The following CYP4V2 variants were observed in gnomAD, a reference collection of about 807,000 sequenced individuals.
CYP4V2 encodes cytochrome P450 family 4 subfamily V member 2, also known as cytochrome P450 4V2.
A neutral mutation model predicts 60.8 loss-of-function variants in CYP4V2; 55 were observed. The observed-to-expected ratio is 0.90, with a 90% confidence interval of 0.73 to 1.13. The LOEUF (loss-of-function observed/expected upper bound fraction) is 1.13. Among genes scored for constraint, CYP4V2 ranks in the 50% most tolerant of loss-of-function variants. The probability of loss-of-function intolerance (pLI) is 0.00; values close to 1 mark genes in which losing one functional copy is unlikely to be tolerated. For synonymous variants in CYP4V2, 239 were observed against 236.8 expected (o/e 1.01, Z -0.08); for missense variants, 675 against 662.9 (o/e 1.02, Z -0.20).
intron 3 of CYP4V2, 137 bp downstream of exon 3, chr4:186,196,225 AG>A: frequency 1.2e-6 from 1 of 819,190 alleles, no homozygotes; most frequent in Non-Finnish European, 2.0e-6. Context: ...AAGGCTGGAA[AG>A]GAAGGTCCAG....
chr4:186,194,842 T>G lies in CYP4V2; in HGVS notation c.327+230T>G, dbSNP rs7661323. On this transcript the variant is annotated intron_variant, in intron 2 of 10. Transcript: ENST00000378802. ...GCACAACTGCTATCAGGTCCCTTTA[T>G]ATTTATTCTTTTTTTGAAAGGATAT... Among the ~76,000 whole-genome samples, 57,558 of 152,074 alleles carry G rather than the reference T, an allele frequency of 0.38. 11,392 individuals carry two copies. Among genetic ancestry groups the G allele is most frequent in the Non-Finnish European group, 0.44 (30,076 of 67,982 alleles).
intron 3 of CYP4V2, chr4:186,196,510 G>A: frequency 3.3e-6 from 1 of 302,742 alleles, no homozygotes; most frequent in Non-Finnish European, 6.3e-6. Flanking sequence ...GGCCCCACAA[G>A]AGCAAGGCAG....
Position 186,209,388 on chromosome 4 carries a change from A to AG in CYP4V2, c.1405+116_1405+117insG, listed in dbSNP as rs1032067292. ...CCCATATGCAACAGCCTTAAAAAAA[A>AG]AATAGGTGGTTTCTTTTTTCCCTCA... is the stretch of plus-strand genomic sequence containing the variant. On this transcript the variant is annotated intron_variant, in intron 10 of 10. Transcript: ENST00000378802. 37 of 1,310,436 alleles carry AG rather than the reference A, an allele frequency of 2.8e-5. No individual in the cohort carries two copies. In the African/African-American group the frequency reaches 4.9e-4, roughly 17 times the overall value. The allele number at this position is 1,310,436 out of a possible 1,614,324, so 81.2% of individuals were successfully genotyped here.
In CYP4V2 at chr4:186,209,044, A is replaced by G. The variant is rs2276918; in HGVS notation, c.1225+45A>G. 0.4 allele frequency: 644,377 copies of G among 1,613,846 alleles called. 134,079 individuals carry two copies. Among genetic ancestry groups the G allele is most frequent in the Non-Finnish European group, 0.43 (513,190 of 1,179,946 alleles). ...AGTAGAAGGGAGAGGGAAACTTTCT[A>G]ATGTCTACCTTGCTCCGGTCTCATA... On this transcript the variant is annotated intron_variant, in intron 9 of 10. Coordinates refer to ENST00000378802, the MANE Select transcript of CYP4V2 (RefSeq NM_207352.4).
rs1424176311 is a variant in CYP4V2 at position 186,210,616 on chromosome 4, A to C, written c.1553A>C (p.Lys518Thr). 6.2e-7 allele frequency: 1 copy of C among 1,614,140 alleles called. No individual in the cohort carries two copies. Among genetic ancestry groups the C allele is most frequent in the Non-Finnish European group, 8.5e-7 (1 of 1,180,024 alleles). The change falls in exon 11 of 11, where the codon AAG becomes ACG. Residue 518 changes from lysine (K) to threonine (T), a missense_variant. Transcript: ENST00000378802. ...AGTAATGGCATCTGGATCAAGTTGA[A>C]GAGGAGAAATGCAGATGAACGCTAA... The part of the protein sequence containing the change: ...RPSNGIWIKL[K>T]RRNADER
At chr4:186,202,278 A>C (rs775659905) in intron 7 of CYP4V2, 4 of 152,228 alleles carry the variant, frequency 2.6e-5, no homozygotes, top group Non-Finnish European at 5.9e-5. Flanking sequence ...CTGAAAATAA[A>C]TCTTAAGCAG....
intron 8 of CYP4V2, among the ~76,000 whole-genome samples, chr4:186,205,661 C>A (rs1007826990): frequency 1.3e-5 from 2 of 152,170 alleles, no homozygotes; most frequent in African/African-American, 4.8e-5. Flanking sequence ...AAAGCTGTTT[C>A]GCAGATTGCC....
Position 186,194,582 on chromosome 4 carries a change from G to A in CYP4V2, c.297G>A (p.Met99Ile), listed in dbSNP as rs1736089604. ...LLKLWVGPVPMVALYNAENVE... is the reference protein window; with the variant it reads ...LLKLWVGPVPIVALYNAENVE... ...AGCTCTGGGTCGGGCCAGTGCCCAT[G>A]GTGGCCCTTTATAATGCAGAAAATG... The change falls in exon 2 of 11, where the codon ATG becomes ATA. Residue 99 changes from methionine (M) to isoleucine (I), a missense_variant. Coordinates refer to ENST00000378802, the MANE Select transcript of CYP4V2 (RefSeq NM_207352.4). The A allele has an allele frequency of 6.2e-7, 1 of 1,614,112 alleles. No homozygotes were observed.
At chr4:186,200,362 T>C (rs1292578076) in intron 6 of CYP4V2, among the ~76,000 whole-genome samples, 1 of 152,224 alleles carries the variant, frequency 6.6e-6, no homozygotes, top group Non-Finnish European at 1.5e-5. Flanking sequence ...CCAAGAAATA[T>C]CTAGTGAGTA....
chr4:186,197,387 GAGA>G, intron 4 of CYP4V2, 143 bp from the exon 5 acceptor site: 1 of 934,120 alleles, frequency 1.1e-6, no homozygotes, highest in Non-Finnish European at 1.7e-6. Context: ...GACCGTACAA[GAGA>G]AGAGGGTAAA....
chr4:186,191,832 G>T lies in CYP4V2; in HGVS notation c.9G>T (p.Gly3=), dbSNP rs1735991451. 1.3e-6 allele frequency: 2 copies of T among 1,567,512 alleles called. No homozygotes were observed. The highest frequency in any genetic ancestry group is 1.7e-6 in the Non-Finnish European group (2 of 1,162,812). The part of the protein sequence containing the change: MA[G]LWLGLVWQKL... The stretch of plus-strand genomic sequence containing the variant: ...GGCCGCCAGCCGGGGCGATGGCGGG[G>T]CTCTGGCTGGGGCTCGTGTGGCAGA... Residue 3 remains glycine, a synonymous_variant, in exon 1 of 11, where the codon GGG becomes GGT. Transcript: ENST00000378802.
rs376872848 is a variant in CYP4V2, at chr4:186,195,754, G to A, written c.328-249G>A. Among the ~76,000 whole-genome samples the A allele has an allele frequency of 5.3e-5, 8 of 152,184 alleles. No individual in the cohort carries two copies. The East Asian group carries it at 5.8e-4, about 11-fold the overall frequency. ...CTCCACTTGGTTCCTGGTTTATGGC[G>A]GGAACCAGAGAATCATCTGGGACAT... On this transcript the variant is annotated intron_variant, in intron 2 of 10. Transcript: ENST00000378802. The surrounding 1 kb of genome is among the most constrained non-coding windows in gnomAD (Gnocchi z 4.1).
intron 7 of CYP4V2, chr4:186,204,221 A>G (rs112987177): frequency 1.7e-5 from 3 of 176,462 alleles, no homozygotes; most frequent in Non-Finnish European, 3.8e-5. Context: ...GGAGGTGGAG[A>G]CGTTACGCTG....
At chr4:186,197,251 C>CG in intron 4 of CYP4V2, 121 bp downstream of exon 4, 1 of 1,269,868 alleles carries the variant, frequency 7.9e-7, no homozygotes, top group South Asian at 1.2e-5. Flanking sequence ...CTCTTCAGCG[C>CG]GGTTCTACGA....
Position 186,197,589 on chromosome 4 carries a change from C to T in CYP4V2, c.661C>T (p.Arg221Cys), listed in dbSNP as rs745471184. 9.3e-6 allele frequency: 15 copies of T among 1,614,086 alleles called. No homozygotes were observed. The highest frequency in any genetic ancestry group is 5.0e-5 in the Admixed American group (3 of 60,012). ...AQSNDDSEYV[R>C]AVYRMSEMIF... is the part of the protein sequence containing the mutation. ...AAGTAATGATGATTCCGAGTATGTC[C>T]GTGCAGTTTATAGGTAAATGGAGTC... The change falls in exon 5 of 11, where the codon CGT becomes TGT. Residue 221 changes from arginine to cysteine, a missense_variant. By Grantham distance (180) the Arg-to-Cys change is radical. Coordinates refer to ENST00000378802, the MANE Select transcript of CYP4V2 (RefSeq NM_207352.4).
chr4:186,210,441 A>C (rs1042741724), intron 10 of CYP4V2, 28 bp from the exon 11 acceptor site: 1 of 1,613,944 alleles, frequency 6.2e-7, no homozygotes, highest in Non-Finnish European at 8.5e-7. Flanking sequence ...TCTATAACTA[A>C]AGCGATGGTA....
At position 186,207,192 on chromosome 4, in the gene CYP4V2, A is replaced by T. The variant is rs189928795; in HGVS notation, c.1091-1673A>T. ...GGGAGGCCGAGGTGGGCGGATCACG[A>T]GGTCAGGAGATCGAGACCATCCTGG... On this transcript the variant is annotated intron_variant, in intron 8 of 10. Transcript: ENST00000378802. Among the ~76,000 whole-genome samples the T allele has an allele frequency of 7.7e-3, 1,171 of 152,088 alleles. 18 individuals are homozygous for T. The highest frequency in any genetic ancestry group is 0.027 in the African/African-American group (1,123 of 41,468).
intron 6 of CYP4V2, 102 bp downstream of exon 6, chr4:186,199,185 C>A: frequency 8.1e-7 from 1 of 1,241,224 alleles, no homozygotes; most frequent in Non-Finnish European, 1.1e-6. Flanking sequence ...AGTGCATTCA[C>A]GATGTTGTGC....
chr4:186,210,435 TA>T, intron 10 of CYP4V2, 33 bp from the exon 11 acceptor site: 1 of 1,613,904 alleles, frequency 6.2e-7, no homozygotes, highest in South Asian at 1.1e-5. Context: ...GGTAAATCTA[TA>T]ACTAAAGCGA....
Sources: gnomAD v4.1 joint callset for allele counts (sites outside exome capture counted in the v4.1 genomes callset) on GRCh38, gnomAD v4.1.1 for gene constraint, Gnocchi (gnomAD v3.1) non-coding constraint, MANE v1.5 for transcripts, NCBI Gene and HGNC (gene_info 2026-07-23, HGNC 2026-07-21) for gene names.